Variants in PCDH11X observed in about 807,000 individuals in gnomAD.
PCDH11X encodes protocadherin 11 X-linked.
Under a neutral mutation model 53.3 loss-of-function variants are expected in PCDH11X, and 18 were observed. The ratio of observed to expected loss-of-function variants is 0.34; its 90% CI spans 0.23 to 0.50. PCDH11X has a LOEUF of 0.50. PCDH11X is among the 20% of genes least tolerant of loss of function. The probability of loss-of-function intolerance (pLI) is 0.98; values close to 1 mark genes in which losing one functional copy is unlikely to be tolerated. For missense variants in PCDH11X, 570 were observed against 1,032.4 expected, an observed-to-expected ratio of 0.55 and a Z score of 6.14; for synonymous variants, 279 against 393.3, an observed-to-expected ratio of 0.71 and a Z score of 3.44.
intron 10 of PCDH11X, among the ~76,000 whole-genome samples, chrX:92,472,243 G>A (rs2073279683): frequency 9.1e-6 from 1 of 109,459 alleles, no homozygotes; most frequent in African/African-American, 3.3e-5. Flanking sequence ...TGGGTTTTAT[G>A]TTTAAGTCTT....
intron 10 of PCDH11X, among the ~76,000 whole-genome samples, chrX:92,600,881 G>A (rs1393898927): frequency 9.8e-6 from 1 of 101,660 alleles, no homozygotes; most frequent in Admixed American, 1.1e-4. Context: ...TTGCATCAGT[G>A]TGACGTGGAT....
At chrX:92,001,239 T>G (rs2062503736) in intron 6 of PCDH11X, among the ~76,000 whole-genome samples, 2 of 111,479 alleles carry the variant, frequency 1.8e-5, no homozygotes, top group Admixed American at 1.9e-4. Flanking sequence ...CCCCAGCATT[T>G]GTTATTGCTT....
intron 10 of PCDH11X, among the ~76,000 whole-genome samples, chrX:92,579,840 A>G (rs12011884): frequency 0.063 from 7,051 of 111,465 alleles, 191 homozygotes; most frequent in South Asian, 0.19. Context: ...TTGAGTTTTC[A>G]GCATTTTTGC....
chrX:92,178,242 A>G (rs1224686080), intron 6 of PCDH11X, among the ~76,000 whole-genome samples: 1 of 111,942 alleles, frequency 8.9e-6, no homozygotes, highest in Non-Finnish European at 1.9e-5. Context: ...ATGAAAACTG[A>G]AGAATAATGC....
At chrX:91,961,511 T>G (rs1486016290) in intron 6 of PCDH11X, among the ~76,000 whole-genome samples, 2 of 110,919 alleles carry the variant, frequency 1.8e-5, no homozygotes, top group East Asian at 5.7e-4. Flanking sequence ...GAAGTAAAAT[T>G]GTCTCTATTG....
intron 8 of PCDH11X, among the ~76,000 whole-genome samples, chrX:92,306,664 A>G (rs1221697251): frequency 9.1e-6 from 1 of 109,780 alleles, no homozygotes; most frequent in Non-Finnish European, 1.9e-5. Context: ...ACTCTTGACC[A>G]GGCGCCGTGG....
At chrX:91,978,355 T>A (rs971999357) in intron 6 of PCDH11X, among the ~76,000 whole-genome samples, 3 of 106,526 alleles carry the variant, frequency 2.8e-5, no homozygotes, top group African/African-American at 1.0e-4. Flanking sequence ...ATGTGAAGAG[T>A]TTCCTGAGTC....
At chrX:92,360,259 CT>C (rs1266282496) in intron 8 of PCDH11X, among the ~76,000 whole-genome samples, 2 of 110,901 alleles carry the variant, frequency 1.8e-5, no homozygotes, top group Non-Finnish European at 3.8e-5. Flanking sequence ...GTGCTTTATA[CT>C]TTGTAAAAGT....
At chrX:92,475,503 C>G (rs1231940830) in intron 10 of PCDH11X, among the ~76,000 whole-genome samples, 1 of 112,008 alleles carries the variant, frequency 8.9e-6, no homozygotes, top group Non-Finnish European at 1.9e-5. Context: ...ATGCCACTCT[C>G]TCATGCCCTG....
At chrX:91,981,222 G>T in intron 6 of PCDH11X, among the ~76,000 whole-genome samples, 1 of 108,347 alleles carries the variant, frequency 9.2e-6, no homozygotes, top group Non-Finnish European at 1.9e-5. Flanking sequence ...TGACTGACAG[G>T]TTATGTGTGA....
At chrX:92,210,006 A>C (rs1055323079) in intron 7 of PCDH11X, among the ~76,000 whole-genome samples, 15 of 111,048 alleles carry the variant, frequency 1.4e-4, no homozygotes, top group Non-Finnish European at 2.1e-4. Context: ...GCTGGGACAC[A>C]GGGTGCCATG....
At chrX:92,013,694 C>A (rs1476549469) in intron 6 of PCDH11X, among the ~76,000 whole-genome samples, 5 of 111,004 alleles carry the variant, frequency 4.5e-5, no homozygotes, top group Non-Finnish European at 9.4e-5. Flanking sequence ...GATATAGACC[C>A]ATGGAACAGA....
intron 8 of PCDH11X, among the ~76,000 whole-genome samples, chrX:92,347,813 G>C (rs1175522128): frequency 8.9e-6 from 1 of 111,889 alleles, no homozygotes; most frequent in South Asian, 3.7e-4. Context: ...AGATTCCACA[G>C]AAATAGTTGG....
intron 8 of PCDH11X, among the ~76,000 whole-genome samples, chrX:92,340,715 C>T (rs1287121678): frequency 8.9e-6 from 1 of 112,236 alleles, no homozygotes; most frequent in Non-Finnish European, 1.9e-5. Context: ...TTCTTTCCCC[C>T]TAGGCCTCAG....
chrX:92,034,765 G>C (rs966462855), intron 6 of PCDH11X, among the ~76,000 whole-genome samples: 1 of 108,372 alleles, frequency 9.2e-6, no homozygotes, highest in South Asian at 4.1e-4. Context: ...GATAAGTAAA[G>C]ACTTACTCCT....
intron 8 of PCDH11X, among the ~76,000 whole-genome samples, chrX:92,380,492 A>C (rs1409350081): frequency 1.8e-5 from 2 of 112,141 alleles, no homozygotes; most frequent in East Asian, 5.6e-4. Flanking sequence ...ATCTTGTGAC[A>C]TATGCATGAT....
At chrX:91,915,528 T>G (rs1941524133) in intron 6 of PCDH11X, among the ~76,000 whole-genome samples, 1 of 110,448 alleles carries the variant, frequency 9.1e-6, no homozygotes. Context: ...CAAAAGCAAC[T>G]AGGAGTAGCT....
Position 92,108,166 on chromosome X carries a change from T to A in PCDH11X, c.3034-93209T>A, listed in dbSNP as rs2064427164. On this transcript the variant is annotated intron_variant, in intron 6 of 10. Transcript: ENST00000682573. Reference sequence around the variant, plus strand: ...AAAATGCAGATTTCCTCAAAATGTCTACATCAGTTTAAAATGAAATATATA... The same window carrying A: ...AAAATGCAGATTTCCTCAAAATGTCAACATCAGTTTAAAATGAAATATATA... 2.7e-5 allele frequency among the ~76,000 whole-genome samples: 3 copies of A among 112,005 alleles called. No individual in the cohort carries two copies. In the Admixed American group the frequency reaches 2.9e-4, roughly 11 times the overall value.
intron 10 of PCDH11X, among the ~76,000 whole-genome samples, chrX:92,593,301 G>A (rs1925228893): frequency 9.0e-6 from 1 of 111,577 alleles, no homozygotes; most frequent in African/African-American, 3.3e-5. Flanking sequence ...GGCTAGGCTG[G>A]GAAGAGTCAG....
Sources: gnomAD v4.1 joint callset for allele counts (sites outside exome capture counted in the v4.1 genomes callset) on GRCh38, gnomAD v4.1.1 for gene constraint, MANE v1.5 for transcripts, NCBI Gene and HGNC (gene_info 2026-07-23, HGNC 2026-07-21) for gene names.